Variants in FAM13B observed in about 807,000 individuals in gnomAD.
FAM13B encodes the protein protein FAM13B.
Under a neutral mutation model 117.3 loss-of-function variants are expected in FAM13B, and 60 were observed. That is an observed-to-expected ratio of 0.51 (90% CI 0.42 to 0.63). The LOEUF (loss-of-function observed/expected upper bound fraction) is 0.63, where lower values mean the gene tolerates loss of function less well. FAM13B is among the 30% of genes least tolerant of loss of function. The pLI is 0.00. For synonymous variants in FAM13B, 332 were observed against 356.1 expected, an observed-to-expected ratio of 0.93 and a Z score of 0.76; for missense variants, 972 against 1,091.9, an observed-to-expected ratio of 0.89 and a Z score of 1.55.
chr5:138,000,930 A>C lies in FAM13B; in HGVS notation c.848+6060T>G, dbSNP rs540996312. 2.4e-3 allele frequency among the ~76,000 whole-genome samples: 119 copies of C among 49,716 alleles called. 1 individual carries two copies. The highest frequency in any genetic ancestry group is 8.7e-3 in the African/African-American group (113 of 12,942). The allele number at this position is 49,716 out of a possible 152,430, so 32.6% of individuals were successfully genotyped here. On this transcript the variant is annotated intron_variant, in intron 7 of 23. Coordinates refer to ENST00000689681, the MANE Select transcript of FAM13B (RefSeq NM_001385994.1). The stretch of plus-strand genomic sequence containing the variant: ...GGGCGACAGAGCAAGACACTGTCTC[A>C]AAAAACAAAAAACAAAAAAAAAAAA...
chr5:137,993,660 G>A (rs13187394), intron 7 of FAM13B, among the ~76,000 whole-genome samples: 19 of 151,560 alleles, frequency 1.3e-4, no homozygotes, highest in African/African-American at 4.1e-4. Flanking sequence ...GGTGGTGTGC[G>A]CCTGTAGTTC....
intron 21 of FAM13B, 25 bp downstream of exon 21, chr5:137,943,108 G>C: frequency 1.2e-6 from 2 of 1,612,250 alleles, no homozygotes; most frequent in Non-Finnish European, 1.7e-6. Flanking sequence ...GAAGGGATCA[G>C]ATAATTATTT....
At chr5:137,982,451 G>C (rs1364569160) in intron 10 of FAM13B, among the ~76,000 whole-genome samples, 1 of 152,146 alleles carries the variant, frequency 6.6e-6, no homozygotes, top group Non-Finnish European at 1.5e-5. Context: ...CTACTCGGGA[G>C]GCAGAGGTTG....
At chr5:137,947,313 A>G (rs1025618275) in intron 18 of FAM13B, among the ~76,000 whole-genome samples, 3 of 152,264 alleles carry the variant, frequency 2.0e-5, no homozygotes, top group African/African-American at 7.2e-5. Flanking sequence ...GATTACACAC[A>G]TTCAGTAGAG....
intron 14 of FAM13B, 109 bp from the exon 15 acceptor site, chr5:137,954,485 T>G: frequency 1.4e-6 from 1 of 690,992 alleles, no homozygotes; most frequent in Non-Finnish European, 2.4e-6. Flanking sequence ...TATGTAGTGG[T>G]TCATATATAC....
Position 138,023,572 on chromosome 5 carries a change from T to C in FAM13B, c.-202-2375A>G, listed in dbSNP as rs542665558. On this transcript the variant is annotated intron_variant, in intron 1 of 23. Coordinates refer to ENST00000689681, the MANE Select transcript of FAM13B (RefSeq NM_001385994.1). ...ATGATAGAATGTCACATTCTGGCGC[T>C]CAAACTGGCCATAGTCTTTTTCTTT... Among the ~76,000 whole-genome samples the C allele has an allele frequency of 2.0e-5, 3 of 152,142 alleles. No homozygotes were observed. The East Asian group carries it at 5.8e-4, about 29-fold the overall frequency.
chr5:137,960,280 T>A lies in FAM13B; in HGVS notation c.1245-66A>T, dbSNP rs1488067802. Reference sequence around the variant, plus strand: ...AAGGCTACTATCATTATATATTTCTTACCTAGATTCCTCTACTCCATAACA... The same window carrying A: ...AAGGCTACTATCATTATATATTTCTAACCTAGATTCCTCTACTCCATAACA... On this transcript the variant is annotated intron_variant, in intron 11 of 23. Coordinates refer to ENST00000689681, the MANE Select transcript of FAM13B (RefSeq NM_001385994.1). 4.3e-6 allele frequency: 4 copies of A among 930,162 alleles called. No individual in the cohort carries two copies. The African/African-American group carries it at 6.9e-5, about 16-fold the overall frequency. The allele number at this position is 930,162 out of a possible 1,614,324, so 57.6% of individuals were successfully genotyped here.
At chr5:137,967,891 C>T (rs1770568783) in intron 10 of FAM13B, among the ~76,000 whole-genome samples, 1 of 151,268 alleles carries the variant, frequency 6.6e-6, no homozygotes, top group South Asian at 2.1e-4. Flanking sequence ...AAGACCCTGT[C>T]TCAAAAAATA....
At chr5:138,049,278 G>GT (rs1287458846) in intron 1 of FAM13B, among the ~76,000 whole-genome samples, 2 of 149,362 alleles carry the variant, frequency 1.3e-5, no homozygotes, top group Non-Finnish European at 3.0e-5. Flanking sequence ...TTTTGTTTTT[G>GT]TTTTTTCCTC....
intron 7 of FAM13B, among the ~76,000 whole-genome samples, chr5:137,995,194 C>T (rs771306902): frequency 2.0e-5 from 3 of 152,182 alleles, no homozygotes; most frequent in Admixed American, 6.5e-5. Flanking sequence ...GCAGTTTAAA[C>T]GGAAAAAGAC....
intron 18 of FAM13B, 140 bp from the exon 19 acceptor site, chr5:137,946,451 CCAGG>C: frequency 1.7e-6 from 1 of 582,934 alleles, no homozygotes; most frequent in Non-Finnish European, 2.9e-6. Flanking sequence ...ACAGTCTAGC[CCAGG>C]CCTTTGCTTG....
At chr5:138,050,438 AAAACAAAC>A (rs33916276) in intron 1 of FAM13B, among the ~76,000 whole-genome samples, 54 of 150,730 alleles carry the variant, frequency 3.6e-4, no homozygotes, top group Middle Eastern at 3.5e-3. Flanking sequence ...ACTCCGTCTC[AAAACAAAC>A]AAACAAACAA....
At chr5:137,994,019 CAA>C (rs1034203905) in intron 7 of FAM13B, among the ~76,000 whole-genome samples, 1 of 152,082 alleles carries the variant, frequency 6.6e-6, no homozygotes, top group Non-Finnish European at 1.5e-5. Context: ...TCAAAGGAGA[CAA>C]AAAGAGGCAA....
intron 4 of FAM13B, among the ~76,000 whole-genome samples, chr5:138,012,500 AC>A (rs1784293409): frequency 6.6e-6 from 1 of 152,204 alleles, no homozygotes. Flanking sequence ...TATCAGTATA[AC>A]TAAATTAAAA....
At chr5:138,043,263 G>A (rs1261016174) in intron 1 of FAM13B, among the ~76,000 whole-genome samples, 2 of 152,072 alleles carry the variant, frequency 1.3e-5, no homozygotes, top group Admixed American at 1.3e-4. Context: ...CTACTCAGGA[G>A]GCTGAGGTGG....
chr5:137,960,506 C>T (rs1767856705), intron 11 of FAM13B, among the ~76,000 whole-genome samples: 1 of 152,004 alleles, frequency 6.6e-6, no homozygotes, highest in Non-Finnish European at 1.5e-5. Context: ...AAACTAAAAT[C>T]CACAGTAAGT....
chr5:138,019,104 T>C lies in FAM13B; in HGVS notation c.8A>G (p.Lys3Arg). The C allele has an allele frequency of 6.2e-7, 1 of 1,613,450 alleles. No individual in the cohort carries two copies. Among genetic ancestry groups the C allele is most frequent in the Non-Finnish European group, 8.5e-7 (1 of 1,179,770 alleles). ...GTTACTCAAGGAAGGGGAGGAGCTC[T>C]TCCTCATATCTTTTTTGCAGCCAGA... MRKSSSPSLSNCN... is the reference protein window; with the variant it reads MRRSSSPSLSNCN... Residue 3 changes from lysine to arginine, a missense_variant, in exon 3 of 24, where the codon AAG becomes AGG. By Grantham distance (26) the Lys-to-Arg change is conservative (BLOSUM62 2). Coordinates refer to ENST00000689681, the MANE Select transcript of FAM13B (RefSeq NM_001385994.1).
intron 1 of FAM13B, among the ~76,000 whole-genome samples, chr5:138,024,212 T>C: frequency 6.6e-6 from 1 of 151,408 alleles, no homozygotes; most frequent in Non-Finnish European, 1.5e-5. Flanking sequence ...GCAGGTGTAA[T>C]TAGTTAAGGA....
At chr5:138,033,162 C>A, upstream of FAM13B, 1 of 552,922 alleles carries the variant, frequency 1.8e-6, no homozygotes, top group Non-Finnish European at 2.3e-6. Flanking sequence ...GCGAGGGTCC[C>A]CACCCCCACA....
Sources: gnomAD v4.1 joint callset for allele counts (sites outside exome capture counted in the v4.1 genomes callset) on GRCh38, gnomAD v4.1.1 for gene constraint, MANE v1.5 for transcripts, NCBI Gene and HGNC (gene_info 2026-07-23, HGNC 2026-07-21) for gene names.